DNAJC5B: variants seen among roughly 807,000 people sequenced by gnomAD.
The protein encoded by DNAJC5B is DnaJ heat shock protein family (Hsp40) member C5 beta.
Under a neutral mutation model 24.7 loss-of-function variants are expected in DNAJC5B, and 23 were observed. That is an observed-to-expected ratio of 0.93 (90% CI 0.67 to 1.32). DNAJC5B has a LOEUF of 1.32. DNAJC5B is among the 40% of genes most tolerant of loss of function. The pLI is 0.00. For missense variants in DNAJC5B, 238 were observed against 240.8 expected (o/e 0.99, Z 0.08); for synonymous variants, 101 against 90.1 (o/e 1.12, Z -0.68).
upstream of DNAJC5B, among the ~76,000 whole-genome samples, chr8:66,017,558 T>C (rs892047218): frequency 1.3e-5 from 2 of 152,238 alleles, no homozygotes; most frequent in African/African-American, 4.8e-5. Flanking sequence ...CAGAATTAAG[T>C]TGAATTCTCA....
chr8:66,043,896 G>A (rs1391115762), intron 2 of DNAJC5B, among the ~76,000 whole-genome samples: 8 of 148,466 alleles, frequency 5.4e-5, no homozygotes, highest in East Asian at 3.9e-4. Flanking sequence ...GCGCCATCTC[G>A]GATCACTGCA....
At chr8:66,020,768 G>A (rs1429296432), upstream of DNAJC5B, among the ~76,000 whole-genome samples, 1 of 152,036 alleles carries the variant, frequency 6.6e-6, no homozygotes, top group Non-Finnish European at 1.5e-5. Context: ...CTCCTGAGTA[G>A]TTAGAACTAC....
chr8:66,016,895 C>T (rs1805968392), upstream of DNAJC5B, among the ~76,000 whole-genome samples: 1 of 152,260 alleles, frequency 6.6e-6, no homozygotes, highest in African/African-American at 2.4e-5. Context: ...TGTAGGTCTT[C>T]ACAGTGTGTC....
At chr8:66,041,330 C>A (rs1267398337) in intron 1 of DNAJC5B, among the ~76,000 whole-genome samples, 1 of 152,092 alleles carries the variant, frequency 6.6e-6, no homozygotes, top group Non-Finnish European at 1.5e-5. Flanking sequence ...ACTATGTAAC[C>A]CTAATGCTTA....
chr8:66,073,591 A>G (rs1807397608), intron 3 of DNAJC5B, among the ~76,000 whole-genome samples: 1 of 152,136 alleles, frequency 6.6e-6, no homozygotes, highest in African/African-American at 2.4e-5. Flanking sequence ...AGAACTCTTG[A>G]AGAACAGCAA....
At chr8:66,051,403 C>A in intron 2 of DNAJC5B, 128 bp from the exon 3 acceptor site, 1 of 650,716 alleles carries the variant, frequency 1.5e-6, no homozygotes, top group Non-Finnish European at 2.7e-6. Flanking sequence ...TTTCTCCCCT[C>A]TTTTTGTAGT....
chr8:66,027,724 A>G (rs1270745144), intron 1 of DNAJC5B, among the ~76,000 whole-genome samples: 3 of 152,074 alleles, frequency 2.0e-5, no homozygotes, highest in Admixed American at 6.5e-5. Context: ...TAATGTTAGG[A>G]TATGTTCCTC....
intron 2 of DNAJC5B, among the ~76,000 whole-genome samples, chr8:66,048,507 C>T (rs929677765): frequency 3.9e-5 from 6 of 152,112 alleles, no homozygotes; most frequent in Non-Finnish European, 5.9e-5. Context: ...CTAAGTTCTC[C>T]CCCAGAGGAA....
chr8:66,081,499 A>G (rs1163587111), intron 5 of DNAJC5B, among the ~76,000 whole-genome samples: 3 of 152,208 alleles, frequency 2.0e-5, no homozygotes, highest in African/African-American at 7.2e-5. Context: ...GGAACAGTGT[A>G]CTTTTCTGGA....
chr8:66,071,402 A>G (rs1325465904), intron 3 of DNAJC5B, among the ~76,000 whole-genome samples: 2 of 152,014 alleles, frequency 1.3e-5, no homozygotes, highest in Non-Finnish European at 2.9e-5. Context: ...TTATGAACAG[A>G]CACTTCTCAA....
intron 3 of DNAJC5B, among the ~76,000 whole-genome samples, chr8:66,053,869 T>C (rs1806906435): frequency 6.6e-6 from 1 of 152,008 alleles, no homozygotes; most frequent in Admixed American, 6.6e-5. Context: ...CCTTAGGTGA[T>C]CCTTCCGCCT....
intron 2 of DNAJC5B, among the ~76,000 whole-genome samples, chr8:66,049,677 G>A (rs966308633): frequency 7.2e-5 from 11 of 152,324 alleles, no homozygotes; most frequent in Non-Finnish European, 1.5e-4. Flanking sequence ...AACTGTAACT[G>A]AATTGTCGGC....
chr8:66,097,218 T>C (rs1230717216), intron 5 of DNAJC5B, among the ~76,000 whole-genome samples: 1 of 151,688 alleles, frequency 6.6e-6, no homozygotes, highest in Non-Finnish European at 1.5e-5. Flanking sequence ...TTTTTTTTCT[T>C]TTAAATTGTC....
intron 5 of DNAJC5B, among the ~76,000 whole-genome samples, chr8:66,081,082 A>G (rs912958577): frequency 6.6e-6 from 1 of 152,190 alleles, no homozygotes; most frequent in Non-Finnish European, 1.5e-5. Flanking sequence ...GAGTAGCCTC[A>G]AACCAGCATC....
chr8:66,100,026 T>C lies in DNAJC5B; in HGVS notation c.595T>C (p.Ser199Pro). ...AGGATCTCGAAGTTATTGCACAGAC[T>C]CTTGATATTGAGCCCTCAGAGAGTC... is the stretch of plus-strand genomic sequence containing the variant. ...KEGSRSYCTD[S>P] Residue 199 changes from serine (S) to proline (P), a missense_variant, in exon 6 of 6, where the codon TCT becomes CCT. Physicochemically the swap from Ser to Pro is moderately conservative, Grantham distance 74 (BLOSUM62 -1). Coordinates refer to ENST00000276570, the MANE Select transcript of DNAJC5B (RefSeq NM_033105.6). The C allele has an allele frequency of 6.2e-7, 1 of 1,613,830 alleles. No individual in the cohort carries two copies. The highest frequency in any genetic ancestry group is 8.5e-7 in the Non-Finnish European group (1 of 1,179,848).
chr8:66,018,490 G>A (rs1335073247), upstream of DNAJC5B, among the ~76,000 whole-genome samples: 1 of 152,152 alleles, frequency 6.6e-6, no homozygotes, highest in Non-Finnish European at 1.5e-5. Flanking sequence ...CTGCACTCCA[G>A]CCTGGGCAAC....
At chr8:66,043,341 T>C (rs570040771) in intron 1 of DNAJC5B, 147 bp from the exon 2 acceptor site, 1 of 152,176 alleles carries the variant, frequency 6.6e-6, no homozygotes, top group Non-Finnish European at 1.5e-5. Flanking sequence ...CTGGAGGCAG[T>C]TCCTCAGTGG....
At chr8:66,022,437 TG>T (rs1806153263) in intron 1 of DNAJC5B, among the ~76,000 whole-genome samples, 2 of 152,142 alleles carry the variant, frequency 1.3e-5, no homozygotes, top group Admixed American at 1.3e-4. Context: ...CTTAGCACAC[TG>T]CGACCCCGGA....
chr8:66,078,299 TCTC>T (rs759538460), intron 4 of DNAJC5B, among the ~76,000 whole-genome samples: 2 of 152,146 alleles, frequency 1.3e-5, no homozygotes, highest in Non-Finnish European at 2.9e-5. Context: ...ATCTTTTCCT[TCTC>T]CTTGTGCCAA....
Sources: allele counts gnomAD v4.1 joint callset (sites outside exome capture counted in the v4.1 genomes callset), GRCh38; gene constraint gnomAD v4.1.1; transcripts MANE v1.5; gene names NCBI Gene and HGNC (gene_info 2026-07-23, HGNC 2026-07-21).